Variants in TLE4 observed in about 807,000 individuals in gnomAD.
The protein encoded by TLE4 is TLE family member 4, transcriptional corepressor.
A neutral mutation model predicts 92.8 loss-of-function variants in TLE4; 8 were observed. That is an observed-to-expected ratio of 0.09 (90% CI 0.05 to 0.16). The LOEUF (loss-of-function observed/expected upper bound fraction) is 0.16. TLE4 is among the 10% of genes least tolerant of loss of function. The pLI is 1.00. For missense variants in TLE4, 675 were observed against 997.6 expected (o/e 0.68, Z 4.36); for synonymous variants, 371 against 374.1 (o/e 0.99, Z 0.10).
chr9:79,588,340 G>A (rs1423138976), intron 4 of TLE4, among the ~76,000 whole-genome samples: 1 of 152,004 alleles, frequency 6.6e-6, no homozygotes, highest in Non-Finnish European at 1.5e-5. Context: ...AGTAGAGACG[G>A]GGTTTCACCA....
intron 8 of TLE4, among the ~76,000 whole-genome samples, chr9:79,658,881 T>A (rs1741116305): frequency 6.6e-6 from 1 of 152,208 alleles, no homozygotes; most frequent in African/African-American, 2.4e-5. Context: ...AAAACAGTCA[T>A]GGACTTTTGG....
rs78661932 is a variant in TLE4, at chr9:79,694,300, T to G, written c.610-10483T>G. On this transcript the variant is annotated intron_variant, in intron 8 of 19. Coordinates refer to ENST00000376552, the MANE Select transcript of TLE4 (RefSeq NM_007005.6). ...AATTTAGTTCTCTGACCTGTGATCT[T>G]TTGCTGGGGGAGGGTGAGAGATTAG... Among the ~76,000 whole-genome samples, 1,516 of 152,252 alleles carry G rather than the reference T, an allele frequency of 1.0e-2. 22 individuals are homozygous for G. The highest frequency in any genetic ancestry group is 0.035 in the African/African-American group (1,435 of 41,526).
At chr9:79,643,754 A>G (rs1006440111) in intron 6 of TLE4, among the ~76,000 whole-genome samples, 1 of 152,194 alleles carries the variant, frequency 6.6e-6, no homozygotes, top group African/African-American at 2.4e-5. Context: ...GGCACTATGA[A>G]TAACCTGTTT....
intron 4 of TLE4, among the ~76,000 whole-genome samples, chr9:79,606,139 T>G (rs2132806383): frequency 6.7e-6 from 1 of 149,222 alleles, no homozygotes; most frequent in African/African-American, 2.4e-5. Context: ...ATTCGATTCT[T>G]ATAATGTTAT....
intron 8 of TLE4, among the ~76,000 whole-genome samples, chr9:79,699,960 C>G (rs1228880103): frequency 6.6e-6 from 1 of 152,110 alleles, no homozygotes; most frequent in Non-Finnish European, 1.5e-5. Context: ...ACACAAATGT[C>G]TAGAAAAGAC....
intron 8 of TLE4, among the ~76,000 whole-genome samples, chr9:79,669,248 GTT>G (rs2061881741): frequency 6.6e-6 from 1 of 152,096 alleles, no homozygotes; most frequent in African/African-American, 2.4e-5. Context: ...CCTCTGAACA[GTT>G]TATCTAAATA....
chr9:79,615,980 A>T (rs1322240627), intron 5 of TLE4, among the ~76,000 whole-genome samples: 2 of 152,166 alleles, frequency 1.3e-5, no homozygotes, highest in African/African-American at 4.8e-5. Context: ...CAGAATTTAG[A>T]AAAACCTTGT....
At chr9:79,681,216 C>G (rs1001407194) in intron 8 of TLE4, among the ~76,000 whole-genome samples, 3 of 151,944 alleles carry the variant, frequency 2.0e-5, no homozygotes, top group Non-Finnish European at 4.4e-5. Flanking sequence ...TGAATACATC[C>G]AAAAATTAAG....
At chr9:79,606,186 TG>T (rs1410239095) in intron 4 of TLE4, among the ~76,000 whole-genome samples, 18 of 117,932 alleles carry the variant, frequency 1.5e-4, no homozygotes, top group Non-Finnish European at 3.1e-4. Context: ...CAGTAGTAGT[TG>T]TTTTTTTTTT....
At position 79,627,384 on chromosome 9, in the gene TLE4, A is replaced by C. The variant is rs2052887728; in HGVS notation, c.326A>C (p.Gln109Pro). The change falls in exon 6 of 20, where the codon CAA (glutamine) becomes CCA (proline). Residue 109 changes from glutamine (Q) to proline (P), a missense_variant. Physicochemically the swap from Gln to Pro is moderately conservative, Grantham distance 76. Coordinates refer to ENST00000376552, the MANE Select transcript of TLE4 (RefSeq NM_007005.6). ...IPFLSQEHQQ[Q>P]VVQAVERAKQ... The stretch of plus-strand genomic sequence containing the variant: ...GATCTTCATTTATAGCACCAGCAAC[A>C]AGTGGTGCAGGCTGTGGAACGGGCC... The C allele has an allele frequency of 6.2e-7, 1 of 1,614,036 alleles. No individual in the cohort carries two copies. Among genetic ancestry groups the C allele is most frequent in the Non-Finnish European group, 8.5e-7 (1 of 1,180,004 alleles).
intron 16 of TLE4, among the ~76,000 whole-genome samples, chr9:79,720,932 G>A (rs1157477528): frequency 1.3e-5 from 2 of 152,140 alleles, no homozygotes; most frequent in African/African-American, 4.8e-5. Flanking sequence ...TGGTAGATGG[G>A]AAAAGCTCTG....
chr9:79,593,310 G>T (rs1042175977), intron 4 of TLE4, among the ~76,000 whole-genome samples: 1 of 152,032 alleles, frequency 6.6e-6, no homozygotes, highest in South Asian at 2.1e-4. Context: ...AAGTCTGACC[G>T]CAGCTTTTAA....
intron 8 of TLE4, among the ~76,000 whole-genome samples, chr9:79,661,745 A>G (rs1022293760): frequency 3.9e-5 from 6 of 152,242 alleles, no homozygotes; most frequent in African/African-American, 1.4e-4. Flanking sequence ...AAAATAAGTC[A>G]CATTGCTTTA....
chr9:79,645,572 A>G (rs1003903292), intron 6 of TLE4, among the ~76,000 whole-genome samples: 15 of 152,174 alleles, frequency 9.9e-5, no homozygotes, highest in Admixed American at 3.9e-4. Context: ...TGTGAATTCT[A>G]TTCTCCAGTG....
In TLE4 at chr9:79,720,299, T is replaced by G. The variant is rs977324591; in HGVS notation, c.1838+6T>G. Reference sequence around the variant, plus strand: ...CACAACCAGACCTTGGTGAGGTAGGTTAGCAGGATCTGTTACCAGGTTGTG... The same window carrying G: ...CACAACCAGACCTTGGTGAGGTAGGGTAGCAGGATCTGTTACCAGGTTGTG... On this transcript the variant is annotated splice_donor_region_variant and intron_variant, in intron 16 of 19. Transcript: ENST00000376552. 3 of 1,605,798 alleles carry G rather than the reference T, an allele frequency of 1.9e-6. No individual in the cohort carries two copies. In the African/African-American group the frequency reaches 4.0e-5, roughly 21 times the overall value.
intron 4 of TLE4, among the ~76,000 whole-genome samples, chr9:79,588,135 C>T (rs867073766): frequency 4.8e-5 from 7 of 146,714 alleles, no homozygotes; most frequent in South Asian, 2.2e-4. Flanking sequence ...TTTATCCTTG[C>T]GTGTGTGTGT....
At chr9:79,653,740 T>C (rs984522314) in intron 7 of TLE4, among the ~76,000 whole-genome samples, 1 of 152,228 alleles carries the variant, frequency 6.6e-6, no homozygotes, top group Non-Finnish European at 1.5e-5. Flanking sequence ...CTGTAATTTG[T>C]CATCCAGTTA....
intron 8 of TLE4, among the ~76,000 whole-genome samples, chr9:79,702,295 C>T (rs1165814014): frequency 1.3e-5 from 2 of 152,146 alleles, no homozygotes; most frequent in Non-Finnish European, 2.9e-5. Flanking sequence ...GGAGTTAAAA[C>T]AGGCTGAACC....
chr9:79,602,543 G>A (rs2045896954), intron 4 of TLE4, among the ~76,000 whole-genome samples: 1 of 152,086 alleles, frequency 6.6e-6, no homozygotes, highest in Non-Finnish European at 1.5e-5. Context: ...ACAAAGCCTG[G>A]GTGACAGCAC....
Sources: gnomAD v4.1 joint callset for allele counts (sites outside exome capture counted in the v4.1 genomes callset) on GRCh38, gnomAD v4.1.1 for gene constraint, MANE v1.5 for transcripts, NCBI Gene and HGNC (gene_info 2026-07-23, HGNC 2026-07-21) for gene names.